The following PTPRR variants were observed in gnomAD, a reference collection of about 807,000 sequenced individuals.
PTPRR encodes receptor-type tyrosine-protein phosphatase R.
In PTPRR, 38 loss-of-function variants were observed where a neutral mutation model predicts 77.2. The observed-to-expected ratio is 0.49, with a 90% confidence interval of 0.38 to 0.65. The LOEUF (loss-of-function observed/expected upper bound fraction) is 0.65, where lower values mean the gene tolerates loss of function less well. Ranked by LOEUF, PTPRR falls within the 30% of genes least tolerant of loss-of-function variation. The pLI, the probability that PTPRR is intolerant of heterozygous loss-of-function variation, is 0.00. For synonymous variants in PTPRR, 299 were observed against 283.1 expected (o/e 1.06, Z -0.57); for missense variants, 744 against 799.2 (o/e 0.93, Z 0.83).
chr12:70,703,657 G>T (rs925585910), intron 6 of PTPRR, among the ~76,000 whole-genome samples: 9 of 152,132 alleles, frequency 5.9e-5, no homozygotes, highest in African/African-American at 1.9e-4. Context: ...AATATTTAGG[G>T]CATTTGTGAG....
rs574592020 is a variant in PTPRR at position 70,766,527 on chromosome 12, T to C, written c.358-1749A>G. ...TATGGGACTATGTGAAAAGACCAAATCTACGTCTGATTGGTGTACTTGAAC... is the reference window on the plus strand; with the variant it reads ...TATGGGACTATGTGAAAAGACCAAACCTACGTCTGATTGGTGTACTTGAAC... On this transcript the variant is annotated intron_variant, in intron 2 of 13. Coordinates refer to ENST00000283228, the MANE Select transcript of PTPRR (RefSeq NM_002849.4). 2.1e-3 allele frequency among the ~76,000 whole-genome samples: 321 copies of C among 152,102 alleles called. 2 individuals carry two copies. Among genetic ancestry groups the C allele is most frequent in the African/African-American group, 7.5e-3 (309 of 41,430 alleles).
rs147906962 is a variant in PTPRR at position 70,865,078 on chromosome 12, G to T, written c.357+27601C>A. ...TCCGCCCGCCTTGGCCTCCCAAAGT[G>T]CTGGGATTACAGGCATGAGCCATTG... On this transcript the variant is annotated intron_variant, in intron 2 of 13. Coordinates refer to ENST00000283228, the MANE Select transcript of PTPRR (RefSeq NM_002849.4). Among the ~76,000 whole-genome samples, 437 of 152,290 alleles carry T rather than the reference G, an allele frequency of 2.9e-3. 3 individuals carry two copies. The highest frequency in any genetic ancestry group is 0.01 in the African/African-American group (422 of 41,560).
chr12:70,662,758 A>T (rs1022846823), intron 10 of PTPRR, among the ~76,000 whole-genome samples, 153 bp from the exon 11 acceptor site: 6 of 152,188 alleles, frequency 3.9e-5, no homozygotes, highest in African/African-American at 1.4e-4. Flanking sequence ...AAACCATTGA[A>T]TTGTAAATCT....
At chr12:70,789,170 T>C (rs1219897445) in intron 2 of PTPRR, among the ~76,000 whole-genome samples, 3 of 152,140 alleles carry the variant, frequency 2.0e-5, no homozygotes, top group African/African-American at 7.2e-5. Flanking sequence ...GCATGAGGAA[T>C]GTTTTTATCT....
intron 2 of PTPRR, among the ~76,000 whole-genome samples, chr12:70,767,200 G>A (rs371694758): frequency 5.9e-5 from 9 of 151,922 alleles, no homozygotes; most frequent in Non-Finnish European, 1.0e-4. Flanking sequence ...AAATGCTCCA[G>A]TTAAAAGACA....
At chr12:70,912,117 G>C (rs1185103036) in intron 1 of PTPRR, among the ~76,000 whole-genome samples, 2 of 152,168 alleles carry the variant, frequency 1.3e-5, no homozygotes, top group Non-Finnish European at 2.9e-5. Flanking sequence ...AATTGCTTAT[G>C]ATTGAAAGCC....
chr12:70,720,379 C>T (rs1889203014), intron 6 of PTPRR, among the ~76,000 whole-genome samples: 1 of 152,128 alleles, frequency 6.6e-6, no homozygotes, highest in Non-Finnish European at 1.5e-5. Context: ...TTTTATATAT[C>T]TGTGATGCAT....
In PTPRR at chr12:70,806,826, T is replaced by C. The variant is rs146060682; in HGVS notation, c.358-42048A>G. Among the ~76,000 whole-genome samples, 1,144 of 152,310 alleles carry C rather than the reference T, an allele frequency of 7.5e-3. 15 individuals are homozygous for C. Among genetic ancestry groups the C allele is most frequent in the African/African-American group, 0.026 (1,099 of 41,574 alleles). On this transcript the variant is annotated intron_variant, in intron 2 of 13. Transcript: ENST00000283228. ...TCTAAATCAGAAATTGCTCTTTTCC[T>C]GTCCTACAACTGATTTCTTTCTGTT... is the stretch of plus-strand genomic sequence containing the variant.
intron 10 of PTPRR, among the ~76,000 whole-genome samples, chr12:70,665,037 A>G (rs1051989618): frequency 6.6e-6 from 1 of 152,220 alleles, no homozygotes; most frequent in African/African-American, 2.4e-5. Flanking sequence ...AAGAGGCAGA[A>G]AAGGCAGGGA....
chr12:70,778,857 T>C (rs560439999), intron 2 of PTPRR, among the ~76,000 whole-genome samples: 1 of 152,320 alleles, frequency 6.6e-6, no homozygotes, highest in Non-Finnish European at 1.5e-5. Context: ...TTTTTGTTTG[T>C]TTTTTAGACA....
intron 2 of PTPRR, among the ~76,000 whole-genome samples, chr12:70,772,015 A>C (rs1189392063): frequency 6.6e-6 from 1 of 152,168 alleles, no homozygotes; most frequent in Non-Finnish European, 1.5e-5. Context: ...TCAAATTATG[A>C]TAATATCATA....
intron 6 of PTPRR, among the ~76,000 whole-genome samples, chr12:70,703,720 C>T (rs559422693): frequency 8.5e-5 from 13 of 152,152 alleles, no homozygotes; most frequent in Admixed American, 5.2e-4. Flanking sequence ...TGAGAGAGGC[C>T]GCTTAAGGGA....
intron 1 of PTPRR, among the ~76,000 whole-genome samples, chr12:70,916,059 G>C (rs1191892447): frequency 6.6e-6 from 1 of 152,102 alleles, no homozygotes. Context: ...AATAAAAAAA[G>C]TAAAATATAT....
intron 2 of PTPRR, among the ~76,000 whole-genome samples, chr12:70,798,084 AT>A (rs1260821283): frequency 1.3e-5 from 2 of 152,164 alleles, no homozygotes; most frequent in African/African-American, 4.8e-5. Context: ...GGTGCCCAAA[AT>A]TGAGATACTG....
At chr12:70,684,975 A>G (rs976287272) in intron 8 of PTPRR, 192 bp from the exon 9 acceptor site, 3 of 437,408 alleles carry the variant, frequency 6.9e-6, no homozygotes, top group African/African-American at 2.0e-5. Flanking sequence ...CACTCCTGAC[A>G]TAAAGCTCAT....
At position 70,685,799 on chromosome 12, in the gene PTPRR, A is replaced by G. The variant is rs76969461; in HGVS notation, c.1280-1016T>C. On this transcript the variant is annotated intron_variant, in intron 8 of 13. Transcript: ENST00000283228. ...CTCATTGCTTTACAGATATTATATCATTTAATTTTCTTGTAACTTTAATAA... is the reference window on the plus strand; with the variant it reads ...CTCATTGCTTTACAGATATTATATCGTTTAATTTTCTTGTAACTTTAATAA... Among the ~76,000 whole-genome samples, 302 of 152,348 alleles carry G rather than the reference A, an allele frequency of 2.0e-3. 6 individuals are homozygous for G. In the East Asian group the frequency reaches 0.025, roughly 13 times the overall value.
At position 70,795,104 on chromosome 12, in the gene PTPRR, A is replaced by AT. The variant is rs540102950; in HGVS notation, c.358-30327dup. ...TGCTAGTATGGCTAAGGCAATATAT[A>AT]TTTTTTTAAAATCCTTTTGGGATGC... is the stretch of plus-strand genomic sequence containing the variant. On this transcript the variant is annotated intron_variant, in intron 2 of 13. Coordinates refer to ENST00000283228, the MANE Select transcript of PTPRR (RefSeq NM_002849.4). Among the ~76,000 whole-genome samples, 421 of 152,162 alleles carry AT rather than the reference A, an allele frequency of 2.8e-3. 4 individuals are homozygous for AT. Among genetic ancestry groups the AT allele is most frequent in the African/African-American group, 9.6e-3 (399 of 41,498 alleles).
At chr12:70,796,223 C>T (rs191919278) in intron 2 of PTPRR, among the ~76,000 whole-genome samples, 34 of 152,052 alleles carry the variant, frequency 2.2e-4, no homozygotes, top group Non-Finnish European at 3.8e-4. Context: ...CATGCCTGGC[C>T]GTATTTAGCA....
At chr12:70,815,258 G>A (rs992028099) in intron 2 of PTPRR, among the ~76,000 whole-genome samples, 1 of 151,756 alleles carries the variant, frequency 6.6e-6, no homozygotes, top group Non-Finnish European at 1.5e-5. Flanking sequence ...TAAGCTTGAA[G>A]ACACAGCAAT....
Sources: gnomAD v4.1 joint callset for allele counts (sites outside exome capture counted in the v4.1 genomes callset) on GRCh38, gnomAD v4.1.1 for gene constraint, MANE v1.5 for transcripts, NCBI Gene and HGNC (gene_info 2026-07-23, HGNC 2026-07-21) for gene names.